The following ROBO1 variants were observed in gnomAD, a reference collection of about 807,000 sequenced individuals.
The protein encoded by ROBO1 is roundabout homolog 1.
In ROBO1, 149 loss-of-function variants were observed where a neutral mutation model predicts 195.9. The ratio of observed to expected loss-of-function variants is 0.76; its 90% confidence interval spans 0.67 to 0.87. The LOEUF is 0.87. Ranked by LOEUF, ROBO1 falls within the 40% of genes least tolerant of loss-of-function variation. ROBO1 has a pLI of 0.00. For synonymous variants in ROBO1, 816 were observed against 733.2 expected (o/e 1.11, Z -1.82); for missense variants, 1,933 against 2,068.3 (o/e 0.93, Z 1.27).
intron 2 of ROBO1, among the ~76,000 whole-genome samples, chr3:79,365,896 C>CAAAA (rs5850423): frequency 7.9e-6 from 1 of 126,476 alleles, no homozygotes. Context: ...GACTCCGTCT[C>CAAAA]AAAAAAAAAA....
chr3:79,359,021 T>C (rs1432112332), intron 2 of ROBO1, among the ~76,000 whole-genome samples: 1 of 152,080 alleles, frequency 6.6e-6, no homozygotes, highest in Admixed American at 6.5e-5. Context: ...CTATTTAAAA[T>C]GTGTTTCTTC....
At chr3:78,971,969 T>C (rs560314187) in intron 3 of ROBO1, among the ~76,000 whole-genome samples, 1 of 152,236 alleles carries the variant, frequency 6.6e-6, no homozygotes, top group Non-Finnish European at 1.5e-5. Flanking sequence ...GGTTTCACTA[T>C]GTTGGCCAGG....
intron 3 of ROBO1, among the ~76,000 whole-genome samples, chr3:79,115,108 A>G (rs1396293773): frequency 6.6e-6 from 1 of 152,184 alleles, no homozygotes; most frequent in Non-Finnish European, 1.5e-5. Flanking sequence ...AGGGAAACCC[A>G]AATTTTCCCC....
intron 29 of ROBO1, among the ~76,000 whole-genome samples, chr3:78,603,127 C>T (rs539279882): frequency 6.6e-6 from 1 of 152,128 alleles, no homozygotes; most frequent in South Asian, 2.1e-4. Context: ...TGAGCTATTC[C>T]CCTCTAAACT....
intron 2 of ROBO1, among the ~76,000 whole-genome samples, chr3:79,371,033 C>T (rs1018198980): frequency 1.4e-4 from 21 of 152,116 alleles, no homozygotes; most frequent in South Asian, 2.1e-4. Flanking sequence ...CTTTTTATGG[C>T]TGCACAGTAT....
At chr3:79,177,107 CT>C (rs139646305) in intron 2 of ROBO1, among the ~76,000 whole-genome samples, 2 of 152,132 alleles carry the variant, frequency 1.3e-5, no homozygotes, top group East Asian at 1.9e-4. Flanking sequence ...AATTTCAGTA[CT>C]TTTTTTAAAA....
chr3:78,916,716 C>A lies in ROBO1; in HGVS notation c.499+21885G>T, dbSNP rs557520250. 2.0e-5 allele frequency among the ~76,000 whole-genome samples: 3 copies of A among 152,160 alleles called. 1 individual carries two copies. In the South Asian group the frequency reaches 6.2e-4, roughly 32 times the overall value. On this transcript the variant is annotated intron_variant, in intron 4 of 30. Transcript: ENST00000464233. ...TTGACTTTAAGTATGGTATTATAAT[C>A]ATTCGATTTACATTCTTTAGTCTGG...
chr3:79,366,366 G>A (rs756958961), intron 2 of ROBO1, among the ~76,000 whole-genome samples: 1 of 152,078 alleles, frequency 6.6e-6, no homozygotes, highest in Non-Finnish European at 1.5e-5. Context: ...ATTCTTGTCT[G>A]ACTTCATTCT....
At chr3:79,439,485 GTTC>G (rs1470377574) in intron 2 of ROBO1, among the ~76,000 whole-genome samples, 1 of 151,900 alleles carries the variant, frequency 6.6e-6, no homozygotes, top group Non-Finnish European at 1.5e-5. Flanking sequence ...GTATGCTTTT[GTTC>G]TTCTTCATGT....
intron 1 of ROBO1, among the ~76,000 whole-genome samples, chr3:79,675,992 T>C (rs1411166013): frequency 1.3e-5 from 2 of 152,078 alleles, no homozygotes; most frequent in Non-Finnish European, 2.9e-5. Flanking sequence ...TTATGAAGGC[T>C]CCTGTGTCAT....
intron 4 of ROBO1, among the ~76,000 whole-genome samples, chr3:78,860,009 G>A (rs939727994): frequency 1.3e-5 from 2 of 151,870 alleles, no homozygotes; most frequent in East Asian, 3.9e-4. Context: ...AACCCAGGAG[G>A]CGGAGCTTGC....
intron 2 of ROBO1, among the ~76,000 whole-genome samples, chr3:79,379,328 C>T (rs2036492593): frequency 6.6e-6 from 1 of 152,132 alleles, no homozygotes; most frequent in African/African-American, 2.4e-5. Context: ...TGGGCTTGGT[C>T]ATGTGGCTTT....
intron 4 of ROBO1, among the ~76,000 whole-genome samples, chr3:78,885,428 A>AC (rs1204283453): frequency 2.0e-5 from 3 of 149,158 alleles, no homozygotes; most frequent in East Asian, 1.9e-4. Context: ...AAAAAAAAAA[A>AC]AAAAAAAAAA....
chr3:79,278,515 G>C (rs1450713325), intron 2 of ROBO1, among the ~76,000 whole-genome samples: 1 of 152,204 alleles, frequency 6.6e-6, no homozygotes, highest in Non-Finnish European at 1.5e-5. Context: ...GAACCGGTTA[G>C]AGAACTCAGA....
At chr3:78,839,700 T>C (rs1000313920) in intron 4 of ROBO1, among the ~76,000 whole-genome samples, 16 of 152,182 alleles carry the variant, frequency 1.1e-4, no homozygotes, top group African/African-American at 3.9e-4. Flanking sequence ...CTTTACAGAC[T>C]GAAAATCCCA....
chr3:78,937,192 C>A (rs1055245835), intron 4 of ROBO1, among the ~76,000 whole-genome samples: 8 of 152,004 alleles, frequency 5.3e-5, no homozygotes, highest in Non-Finnish European at 1.2e-4. Flanking sequence ...TTCTCTAGGG[C>A]TGATTTCACG....
At chr3:78,672,882 A>G (rs2107730197) in intron 10 of ROBO1, among the ~76,000 whole-genome samples, 1 of 152,276 alleles carries the variant, frequency 6.6e-6, no homozygotes, top group Non-Finnish European at 1.5e-5. Context: ...CAAAGTGATT[A>G]AATGCACGGA....
chr3:78,825,158 A>T (rs1397990694), intron 4 of ROBO1, among the ~76,000 whole-genome samples: 2 of 152,216 alleles, frequency 1.3e-5, no homozygotes, highest in Non-Finnish European at 2.9e-5. Flanking sequence ...ATTATAGTTT[A>T]AAAATACCCT....
chr3:79,578,503 C>T (rs1167300638), intron 2 of ROBO1, among the ~76,000 whole-genome samples: 1 of 152,082 alleles, frequency 6.6e-6, no homozygotes, highest in Non-Finnish European at 1.5e-5. Flanking sequence ...GACAAATCTC[C>T]TGTCTGTATA....
Sources: allele counts gnomAD v4.1 joint callset (sites outside exome capture counted in the v4.1 genomes callset), GRCh38; gene constraint gnomAD v4.1.1; transcripts MANE v1.5; gene names NCBI Gene and HGNC (gene_info 2026-07-23, HGNC 2026-07-21).